The following GRM8 variants were observed in gnomAD, a reference collection of about 807,000 sequenced individuals.
GRM8 encodes the protein glutamate metabotropic receptor 8.
In GRM8, 47 loss-of-function variants were observed where a neutral mutation model predicts 87.2. The ratio of observed to expected loss-of-function variants is 0.54; its 90% CI spans 0.43 to 0.69. GRM8 has a LOEUF of 0.69. Ranked by LOEUF, GRM8 falls within the 30% of genes least tolerant of loss-of-function variation. The probability of loss-of-function intolerance (pLI) is 0.00; values close to 1 mark genes in which losing one functional copy is unlikely to be tolerated. For missense variants in GRM8, 1,019 were observed against 1,139.2 expected (o/e 0.89, Z 1.52); for synonymous variants, 396 against 404.5 (o/e 0.98, Z 0.25).
At chr7:126,475,100 T>C (rs1289302893) in intron 9 of GRM8, among the ~76,000 whole-genome samples, 3 of 152,164 alleles carry the variant, frequency 2.0e-5, no homozygotes, top group Non-Finnish European at 4.4e-5. Flanking sequence ...TTGCCATTTC[T>C]ATTCAACATA....
At chr7:127,134,072 G>A (rs959233912) in intron 2 of GRM8, among the ~76,000 whole-genome samples, 6 of 152,082 alleles carry the variant, frequency 3.9e-5, no homozygotes, top group African/African-American at 1.4e-4. Flanking sequence ...TTTCCAAAAA[G>A]TAGGCCTAAC....
At chr7:127,227,101 G>C (rs1294158827) in intron 2 of GRM8, among the ~76,000 whole-genome samples, 1 of 152,238 alleles carries the variant, frequency 6.6e-6, no homozygotes, top group Non-Finnish European at 1.5e-5. Context: ...GGTTAAAGGA[G>C]CCTCGGAAAG....
chr7:127,169,025 T>G (rs985356108), intron 2 of GRM8, among the ~76,000 whole-genome samples: 2 of 151,906 alleles, frequency 1.3e-5, no homozygotes, highest in Non-Finnish European at 2.9e-5. Context: ...CCTCTAACTT[T>G]TAATAAAATG....
chr7:126,717,337 G>A (rs770692049), intron 7 of GRM8, among the ~76,000 whole-genome samples: 25 of 152,088 alleles, frequency 1.6e-4, no homozygotes, highest in Non-Finnish European at 3.5e-4. Context: ...GGGGTGGAGG[G>A]TGAAATAAGA....
intron 2 of GRM8, 27 bp from the exon 3 acceptor site, chr7:127,106,739 A>T (rs372257392): frequency 5.1e-5 from 74 of 1,448,822 alleles, no homozygotes; most frequent in Non-Finnish European, 6.2e-5. Flanking sequence ...GGGTCATTTC[A>T]ACCCATGACG....
chr7:126,629,528 A>G (rs894777143), intron 7 of GRM8, among the ~76,000 whole-genome samples: 1 of 152,128 alleles, frequency 6.6e-6, no homozygotes, highest in Non-Finnish European at 1.5e-5. Flanking sequence ...ATATTTTCTT[A>G]ATGTTTGCAG....
At chr7:127,008,887 T>C (rs1814594705) in intron 3 of GRM8, among the ~76,000 whole-genome samples, 1 of 152,176 alleles carries the variant, frequency 6.6e-6, no homozygotes, top group South Asian at 2.1e-4. Context: ...AAATATGTTT[T>C]TATCTACATC....
chr7:127,004,532 A>T (rs17870038), intron 3 of GRM8, among the ~76,000 whole-genome samples: 1,684 of 151,844 alleles, frequency 0.011, 35 homozygotes, highest in African/African-American at 0.039. Context: ...AGCTTCACCG[A>T]TATTGAGGTA....
At chr7:127,058,872 C>G (rs571446094) in intron 3 of GRM8, among the ~76,000 whole-genome samples, 1 of 152,298 alleles carries the variant, frequency 6.6e-6, no homozygotes, top group South Asian at 2.1e-4. Flanking sequence ...TATGTAGTTA[C>G]CAGTTCATTA....
chr7:126,512,798 T>G (rs1811588358), intron 9 of GRM8: 1 of 152,106 alleles, frequency 6.6e-6, no homozygotes, highest in African/African-American at 2.4e-5. Context: ...CTGCTGGAGT[T>G]TATTCCACTC....
intron 9 of GRM8, among the ~76,000 whole-genome samples, chr7:126,530,660 A>G (rs1473618932): frequency 6.6e-6 from 1 of 152,270 alleles, no homozygotes; most frequent in Non-Finnish European, 1.5e-5. Context: ...AACAGTACAA[A>G]AGAAAATGGA....
intron 8 of GRM8, among the ~76,000 whole-genome samples, chr7:126,558,215 C>CA: frequency 6.6e-6 from 1 of 152,194 alleles, no homozygotes; most frequent in Admixed American, 6.5e-5. Context: ...CAGTGAAGAG[C>CA]AAAAATGGCT....
At chr7:127,182,073 G>GA (rs1482398230) in intron 2 of GRM8, among the ~76,000 whole-genome samples, 5 of 152,066 alleles carry the variant, frequency 3.3e-5, no homozygotes, top group African/African-American at 1.2e-4. Context: ...CAAAGGGGGA[G>GA]AAAATCTTCA....
At chr7:126,935,538 G>T (rs1446392620) in intron 3 of GRM8, among the ~76,000 whole-genome samples, 1 of 152,164 alleles carries the variant, frequency 6.6e-6, no homozygotes, top group African/African-American at 2.4e-5. Context: ...GTGGACATGG[G>T]GGAGGAGAAG....
At position 127,045,537 on chromosome 7, in the gene GRM8, T is replaced by C. The variant is rs886169789; in HGVS notation, c.727+60959A>G. 1.8e-4 allele frequency among the ~76,000 whole-genome samples: 27 copies of C among 152,304 alleles called. No individual in the cohort carries two copies. The East Asian group carries it at 4.8e-3, about 27-fold the overall frequency. Reference sequence around the variant, plus strand: ...TCCTGTAACTGTATTCTACATACAGTCATAAAGTCTCCTTTTTTTGCATTT... The same window carrying C: ...TCCTGTAACTGTATTCTACATACAGCCATAAAGTCTCCTTTTTTTGCATTT... On this transcript the variant is annotated intron_variant, in intron 3 of 10. Transcript: ENST00000339582.
Position 127,003,994 on chromosome 7 carries a change from C to A in GRM8, c.728-99311G>T, listed in dbSNP as rs185183749. On this transcript the variant is annotated intron_variant, in intron 3 of 10. Transcript: ENST00000339582. Reference sequence around the variant, plus strand: ...ATTGTTTAGTTCAATTTTAACAGTTCATTTTGCTGAGTGGAGCCCTTCATT... The same window carrying A: ...ATTGTTTAGTTCAATTTTAACAGTTAATTTTGCTGAGTGGAGCCCTTCATT... Among the ~76,000 whole-genome samples the A allele has an allele frequency of 1.5e-3, 231 of 151,734 alleles. 1 individual carries two copies. Among genetic ancestry groups the A allele is most frequent in the African/African-American group, 5.3e-3 (219 of 41,478 alleles).
chr7:127,123,570 C>G (rs867178034), intron 2 of GRM8, among the ~76,000 whole-genome samples: 2 of 152,130 alleles, frequency 1.3e-5, no homozygotes, highest in Non-Finnish European at 1.5e-5. Context: ...GATGCCCAAT[C>G]TTAAACTTTC....
At position 126,846,315 on chromosome 7, in the gene GRM8, G is replaced by A. The variant is rs192750800; in HGVS notation, c.1156+56227C>T. Among the ~76,000 whole-genome samples the A allele has an allele frequency of 2.0e-5, 3 of 152,308 alleles. No homozygotes were observed. In the East Asian group the frequency reaches 5.8e-4, roughly 29 times the overall value. On this transcript the variant is annotated intron_variant, in intron 6 of 10. Coordinates refer to ENST00000339582, the MANE Select transcript of GRM8 (RefSeq NM_000845.3). ...AAAGCATTTATCAATAAAACCAAAT[G>A]TAGGAGAAGATGATTCCCTCTCATC...
At chr7:127,074,846 GAC>G (rs940024006) in intron 3 of GRM8, among the ~76,000 whole-genome samples, 2 of 152,168 alleles carry the variant, frequency 1.3e-5, no homozygotes, top group African/African-American at 4.8e-5. Flanking sequence ...TGGATTCACT[GAC>G]AGAGTCAAGC....
Sources: gnomAD v4.1 joint callset for allele counts (sites outside exome capture counted in the v4.1 genomes callset) on GRCh38, gnomAD v4.1.1 for gene constraint, MANE v1.5 for transcripts, NCBI Gene and HGNC (gene_info 2026-07-23, HGNC 2026-07-21) for gene names.